The following SGMS2 variants were observed in gnomAD, a reference collection of about 807,000 sequenced individuals.
SGMS2 encodes the protein phosphatidylcholine:ceramide cholinephosphotransferase 2.
In SGMS2, 21 loss-of-function variants were observed where a neutral mutation model predicts 43.8. The observed-to-expected ratio is 0.48, with a 90% CI of 0.34 to 0.69. SGMS2 has a LOEUF of 0.69. Among genes scored for constraint, SGMS2 ranks in the 30% least tolerant of loss-of-function variants. The pLI is 0.01. For synonymous variants in SGMS2, 167 were observed against 160.6 expected (o/e 1.04, Z -0.30); for missense variants, 384 against 443.2 (o/e 0.87, Z 1.20).
intron 2 of SGMS2, among the ~76,000 whole-genome samples, chr4:107,865,604 T>C (rs369679072): frequency 2.0e-5 from 3 of 152,240 alleles, no homozygotes; most frequent in South Asian, 4.1e-4. Context: ...CATGTTGGCC[T>C]CTGAGCTCAC....
chr4:107,902,234 A>G (rs1731178512), intron 4 of SGMS2, among the ~76,000 whole-genome samples: 1 of 147,168 alleles, frequency 6.8e-6, no homozygotes, highest in African/African-American at 2.6e-5. Context: ...TCTCTCCTGT[A>G]CCTAATGTGC....
At chr4:107,859,174 T>C (rs1369048365) in intron 2 of SGMS2, among the ~76,000 whole-genome samples, 1 of 152,174 alleles carries the variant, frequency 6.6e-6, no homozygotes, top group African/African-American at 2.4e-5. Context: ...AATAGTTGCA[T>C]TTTTTAGTGC....
intron 2 of SGMS2, among the ~76,000 whole-genome samples, chr4:107,891,348 T>G (rs1220138454): frequency 6.6e-6 from 1 of 152,112 alleles, no homozygotes; most frequent in African/African-American, 2.4e-5. Context: ...ATTGCACAAC[T>G]TATATGATTA....
At chr4:107,896,969 G>A (rs1317638851) in intron 3 of SGMS2, among the ~76,000 whole-genome samples, 3 of 152,194 alleles carry the variant, frequency 2.0e-5, no homozygotes, top group Non-Finnish European at 2.9e-5. Flanking sequence ...TGTAATGTAT[G>A]CTAACTTGGA....
chr4:107,893,000 T>C (rs1442511346), intron 2 of SGMS2: 2 of 152,168 alleles, frequency 1.3e-5, no homozygotes, highest in East Asian at 3.9e-4. Flanking sequence ...GTATATTTAA[T>C]CTTAATGAAA....
At chr4:107,896,228 C>T (rs1426604793) in intron 3 of SGMS2, among the ~76,000 whole-genome samples, 1 of 152,148 alleles carries the variant, frequency 6.6e-6, no homozygotes, top group Non-Finnish European at 1.5e-5. Context: ...CAGTGTACAG[C>T]AGTACTGTGG....
intron 1 of SGMS2, among the ~76,000 whole-genome samples, chr4:107,830,923 T>G (rs1025609641): frequency 2.0e-5 from 3 of 151,828 alleles, no homozygotes; most frequent in African/African-American, 7.3e-5. Flanking sequence ...GAAGATGGAG[T>G]TAGTGTTGAT....
At chr4:107,846,567 C>A (rs1353412186) in intron 1 of SGMS2, among the ~76,000 whole-genome samples, 6 of 149,030 alleles carry the variant, frequency 4.0e-5, no homozygotes, top group African/African-American at 7.4e-5. Context: ...GTGCCGCAAT[C>A]AACATACGTG....
Position 107,903,689 on chromosome 4 carries a change from G to T in SGMS2, c.727+303G>T, listed in dbSNP as rs77935802. The stretch of plus-strand genomic sequence containing the variant: ...TCCCTTCTTGGTTAGTACTTCTTAA[G>T]GTATGAAAAGCTATCTTAATATTGG... On this transcript the variant is annotated intron_variant, in intron 5 of 6. Transcript: ENST00000690982. 3.7e-3 allele frequency among the ~76,000 whole-genome samples: 566 copies of T among 152,128 alleles called. 7 individuals carry two copies. The highest frequency in any genetic ancestry group is 4.6e-3 in the Non-Finnish European group (316 of 67,994).
chr4:107,860,714 G>A (rs952672085), intron 2 of SGMS2, among the ~76,000 whole-genome samples: 5 of 151,956 alleles, frequency 3.3e-5, no homozygotes, highest in African/African-American at 7.3e-5. Flanking sequence ...TAGTAGAGAT[G>A]GGGTTTCGCC....
chr4:107,867,741 AG>A (rs1395317691), intron 2 of SGMS2: 1 of 152,114 alleles, frequency 6.6e-6, no homozygotes, highest in Non-Finnish European at 1.5e-5. Flanking sequence ...TTTGGGCAAT[AG>A]TAAGTACTAT....
At chr4:107,845,757 A>G (rs931255178) in intron 1 of SGMS2, among the ~76,000 whole-genome samples, 3 of 152,216 alleles carry the variant, frequency 2.0e-5, no homozygotes, top group South Asian at 2.1e-4. Flanking sequence ...GCAGATGCAC[A>G]TTAAGGATTT....
At position 107,830,746 on chromosome 4, in the gene SGMS2, G is replaced by A. The variant is rs568938732; in HGVS notation, c.-327+5493G>A. ...TTGTTGGTTTTTTTTGCTTGTAAAT[G>A]TTTAAGTTCCTCATAGATTCTAGAT... is the stretch of plus-strand genomic sequence containing the variant. On this transcript the variant is annotated intron_variant, in intron 1 of 6. Transcript: ENST00000690982. 5.9e-5 allele frequency among the ~76,000 whole-genome samples: 9 copies of A among 152,132 alleles called. No homozygotes were observed. The South Asian group carries it at 1.9e-3, about 32-fold the overall frequency.
At chr4:107,825,622 T>C (rs1347696973) in intron 1 of SGMS2, among the ~76,000 whole-genome samples, 30 of 126,394 alleles carry the variant, frequency 2.4e-4, no homozygotes, top group African/African-American at 4.5e-4. Context: ...TTCTTTCTCT[T>C]TTTTTTTTTT....
intron 4 of SGMS2, among the ~76,000 whole-genome samples, chr4:107,900,515 T>A (rs1731032004): frequency 6.6e-6 from 1 of 152,164 alleles, no homozygotes. Context: ...GACCCCAAGG[T>A]TCTTTAGCAG....
intron 1 of SGMS2, among the ~76,000 whole-genome samples, chr4:107,843,173 T>C (rs76589533): frequency 0.04 from 6,155 of 152,096 alleles, 427 homozygotes; most frequent in African/African-American, 0.14. Context: ...CACTGGTTTT[T>C]TTTTTTTAAT....
chr4:107,831,256 T>C (rs1289055920), intron 1 of SGMS2, among the ~76,000 whole-genome samples: 1 of 152,190 alleles, frequency 6.6e-6, no homozygotes, highest in Non-Finnish European at 1.5e-5. Flanking sequence ...CATAGTTTGA[T>C]ATAGGACTGT....
intron 5 of SGMS2, among the ~76,000 whole-genome samples, chr4:107,903,666 C>G (rs1384705860): frequency 6.6e-6 from 1 of 152,138 alleles, no homozygotes; most frequent in Non-Finnish European, 1.5e-5. Context: ...AAAACATCTC[C>G]CTTCTTGGTT....
rs1158256064 is a variant in SGMS2 at position 107,914,674 on chromosome 4, A to T, written c.*4121A>T. ...AGTTTTATGAAATGCTTACATTTTA[A>T]TCAAATATGTAAATTTCAGAAGCTC... On this transcript the variant is annotated 3_prime_UTR_variant, in exon 7 of 7. Coordinates refer to ENST00000690982, the MANE Select transcript of SGMS2 (RefSeq NM_001375905.1). The T allele has an allele frequency of 1.3e-5, 2 of 152,138 alleles. No homozygotes were observed. Among genetic ancestry groups the T allele is most frequent in the Non-Finnish European group, 2.9e-5 (2 of 67,986 alleles). 9.4% of individuals were successfully genotyped at this position (152,138 alleles called of 1,614,324 possible).
Sources: allele counts gnomAD v4.1 joint callset (sites outside exome capture counted in the v4.1 genomes callset), GRCh38; gene constraint gnomAD v4.1.1; transcripts MANE v1.5; gene names NCBI Gene and HGNC (gene_info 2026-07-23, HGNC 2026-07-21).